Variants in MACROD2 observed in about 807,000 individuals in gnomAD.
MACROD2 encodes ADP-ribose glycohydrolase MACROD2.
Under a neutral mutation model 70.4 loss-of-function variants are expected in MACROD2, and 36 were observed. That is an observed-to-expected ratio of 0.51 (90% CI 0.39 to 0.68). The LOEUF is 0.68. Ranked by LOEUF, MACROD2 falls within the 30% of genes least tolerant of loss-of-function variation. MACROD2 has a pLI of 0.00. For synonymous variants in MACROD2, 172 were observed against 178.8 expected, an observed-to-expected ratio of 0.96 and a Z score of 0.30; for missense variants, 496 against 538.4, an observed-to-expected ratio of 0.92 and a Z score of 0.78.
chr20:15,733,537 T>TA (rs1022898983), intron 8 of MACROD2, among the ~76,000 whole-genome samples: 5 of 152,142 alleles, frequency 3.3e-5, no homozygotes, highest in African/African-American at 4.8e-5. Flanking sequence ...TATGGCATCA[T>TA]AAAAAAATTG....
At chr20:14,412,464 G>T (rs1428259101) in intron 3 of MACROD2, among the ~76,000 whole-genome samples, 3 of 152,162 alleles carry the variant, frequency 2.0e-5, no homozygotes, top group African/African-American at 7.2e-5. Flanking sequence ...TTCTCAACCA[G>T]TTACAGACCC....
intron 3 of MACROD2, among the ~76,000 whole-genome samples, chr20:14,220,850 G>T (rs557060120): frequency 6.6e-6 from 1 of 152,300 alleles, no homozygotes; most frequent in South Asian, 2.1e-4. Flanking sequence ...ACTTCCGCAG[G>T]TGGGGCACTC....
chr20:14,493,879 C>G lies in MACROD2; in HGVS notation c.301+371C>G, dbSNP rs117784215. 80 of 153,768 alleles carry G rather than the reference C, an allele frequency of 5.2e-4. 1 individual carries two copies. The East Asian group carries it at 0.015, about 28-fold the overall frequency. 9.5% of individuals were successfully genotyped at this position (153,768 alleles called of 1,614,324 possible). On this transcript the variant is annotated intron_variant, in intron 4 of 17. Transcript: ENST00000684519. ...TCTAAAACAACAGAACATTTGGAGG[C>G]TATGGTTTCTTTTTCCACTATAATG... is the stretch of plus-strand genomic sequence containing the variant.
At chr20:14,903,929 C>T (rs1033938321) in intron 5 of MACROD2, among the ~76,000 whole-genome samples, 1 of 152,272 alleles carries the variant, frequency 6.6e-6, no homozygotes, top group Admixed American at 6.5e-5. Flanking sequence ...TTCACATTCT[C>T]TCGCTGAGAA....
intron 6 of MACROD2, among the ~76,000 whole-genome samples, chr20:15,377,312 G>GA (rs1431628285): frequency 1.5e-4 from 22 of 151,242 alleles, no homozygotes; most frequent in Admixed American, 6.6e-4. Flanking sequence ...CTCCACAGGG[G>GA]AAAAAAAGGA....
Position 15,723,776 on chromosome 20 carries a change from T to C in MACROD2, c.646-138969T>C, listed in dbSNP as rs947148285. Reference sequence around the variant, plus strand: ...TCTTTGTGGTGGTTTTTGGAGGACATAGGTTTTCAGCCCTTTGGGATAAAT... The same window carrying C: ...TCTTTGTGGTGGTTTTTGGAGGACACAGGTTTTCAGCCCTTTGGGATAAAT... On this transcript the variant is annotated intron_variant, in intron 8 of 17. Transcript: ENST00000684519. 2.0e-5 allele frequency among the ~76,000 whole-genome samples: 3 copies of C among 152,196 alleles called. 1 individual carries two copies. Among genetic ancestry groups the C allele is most frequent in the East Asian group, 3.8e-4 (2 of 5,198 alleles).
intron 8 of MACROD2, among the ~76,000 whole-genome samples, chr20:15,665,484 G>C (rs1376303839): frequency 6.6e-6 from 1 of 152,090 alleles, no homozygotes; most frequent in African/African-American, 2.4e-5. Context: ...TCAATCTGAG[G>C]AGCATCCTAG....
At chr20:15,654,086 C>A (rs894079749) in intron 8 of MACROD2, among the ~76,000 whole-genome samples, 12 of 152,122 alleles carry the variant, frequency 7.9e-5, no homozygotes, top group African/African-American at 2.9e-4. Flanking sequence ...GGGAACCCTC[C>A]CAAACAGCAG....
chr20:15,366,609 G>C (rs1476491808), intron 6 of MACROD2, among the ~76,000 whole-genome samples: 2 of 151,220 alleles, frequency 1.3e-5, no homozygotes, highest in African/African-American at 4.9e-5. Context: ...GGAGTATGGT[G>C]GTGCAATCAT....
At chr20:14,656,409 C>T (rs184578245) in intron 4 of MACROD2, among the ~76,000 whole-genome samples, 253 of 152,352 alleles carry the variant, frequency 1.7e-3, no homozygotes, top group Non-Finnish European at 2.1e-3. Context: ...ACTGTTCCCT[C>T]ATCCAAGCTT....
At chr20:14,548,176 C>T (rs539134223) in intron 4 of MACROD2, among the ~76,000 whole-genome samples, 1 of 152,292 alleles carries the variant, frequency 6.6e-6, no homozygotes, top group African/African-American at 2.4e-5. Context: ...TTGTATCTGA[C>T]TTTCTCATAA....
intron 5 of MACROD2, among the ~76,000 whole-genome samples, chr20:15,019,901 CAT>C (rs2075151261): frequency 6.6e-6 from 1 of 151,954 alleles, no homozygotes; most frequent in Non-Finnish European, 1.5e-5. Context: ...TGAAATTAAA[CAT>C]AATAATAATT....
At chr20:15,423,090 GT>G (rs11479537) in intron 6 of MACROD2, among the ~76,000 whole-genome samples, 49,854 of 151,864 alleles carry the variant, frequency 0.33, 8,394 homozygotes, top group South Asian at 0.39. Context: ...ATAACTTATA[GT>G]TTTAGCATAG....
At chr20:15,392,819 T>C (rs1203816436) in intron 6 of MACROD2, among the ~76,000 whole-genome samples, 1 of 152,202 alleles carries the variant, frequency 6.6e-6, no homozygotes, top group Non-Finnish European at 1.5e-5. Flanking sequence ...CTTTTTATTT[T>C]TTCCTTCTAG....
chr20:15,642,597 AACACACACACACACACAC>A (rs56698663), intron 8 of MACROD2, among the ~76,000 whole-genome samples: 22 of 147,094 alleles, frequency 1.5e-4, no homozygotes, highest in South Asian at 4.5e-4. Flanking sequence ...ACCTGTCATG[AACACACACACACACACAC>A]ACACACACAC....
chr20:15,115,675 T>C (rs2075986751), intron 5 of MACROD2, among the ~76,000 whole-genome samples: 1 of 152,142 alleles, frequency 6.6e-6, no homozygotes, highest in Non-Finnish European at 1.5e-5. Flanking sequence ...TACATGAAAA[T>C]TGTCAAGTTA....
At chr20:15,041,784 C>G (rs1340984033) in intron 5 of MACROD2, among the ~76,000 whole-genome samples, 1 of 152,052 alleles carries the variant, frequency 6.6e-6, no homozygotes, top group African/African-American at 2.4e-5. Context: ...GTTACTGTAC[C>G]CTTCTTGCCA....
intron 3 of MACROD2, among the ~76,000 whole-genome samples, chr20:14,182,826 G>C (rs2081315432): frequency 6.6e-6 from 1 of 151,582 alleles, no homozygotes; most frequent in Non-Finnish European, 1.5e-5. Context: ...ACTGCCTTTT[G>C]CCTGGACTGC....
At chr20:14,209,573 A>C (rs2081554373) in intron 3 of MACROD2, among the ~76,000 whole-genome samples, 1 of 152,212 alleles carries the variant, frequency 6.6e-6, no homozygotes. Flanking sequence ...TAAAACCAAT[A>C]ATTTATTTCC....
Sources: gnomAD v4.1 joint callset for allele counts (sites outside exome capture counted in the v4.1 genomes callset) on GRCh38, gnomAD v4.1.1 for gene constraint, MANE v1.5 for transcripts, NCBI Gene and HGNC (gene_info 2026-07-23, HGNC 2026-07-21) for gene names.